MYH7: variants seen among roughly 807,000 people sequenced by gnomAD.
The protein encoded by MYH7 is myosin-7.
A neutral mutation model predicts 225.4 loss-of-function variants in MYH7; 129 were observed. The ratio of observed to expected loss-of-function variants is 0.57; its 90% CI spans 0.50 to 0.66. The LOEUF is 0.66. MYH7 is among the 30% of genes least tolerant of loss of function. The pLI is 0.00. For synonymous variants in MYH7, 971 were observed against 1,007.6 expected, an observed-to-expected ratio of 0.96 and a Z score of 0.69; for missense variants, 1,649 against 2,517.0, an observed-to-expected ratio of 0.66 and a Z score of 7.38.
At chr14:23,427,213 A>C (rs749573686) in intron 17 of MYH7, 27 bp downstream of exon 17, 2 of 1,612,660 alleles carry the variant, frequency 1.2e-6, no homozygotes, top group Non-Finnish European at 1.7e-6. Flanking sequence ...TGGGGAGCCA[A>C]GTTGGCTGGG....
rs746278750 is a variant in MYH7 at position 23,415,363 on chromosome 14, G to C, written c.5283+18C>G. ...AGAGACACTGGTCTGGATCGGGTCG[G>C]TGGAGTGGGGGACTTACATCCGTGA... On this transcript the variant is annotated intron_variant, in intron 36 of 39. Transcript: ENST00000355349. This position sits in a 1 kb window ranked among gnomAD's most constrained non-coding sequence, Gnocchi z 6.3. 3.7e-6 allele frequency: 6 copies of C among 1,614,112 alleles called. No homozygotes were observed. In the African/African-American group the frequency reaches 5.3e-5, roughly 14 times the overall value.
chr14:23,427,795 A>T lies in MYH7; in HGVS notation c.1678T>A (p.Ser560Thr), dbSNP rs1892754005. ...AKLFDNHLGK[S>T]ANFQKPRNIK... ...TTGCGTGGCTTCTGGAAGTTGGCGG[A>T]TTTGCCCAGGTGGTTGTCAAACAGC... is the stretch of plus-strand genomic sequence containing the variant. Residue 560 changes from serine (S) to threonine (T), a missense_variant, in exon 16 of 40, where the codon TCC (serine) becomes ACC (threonine). Transcript: ENST00000355349. 1.2e-6 allele frequency: 2 copies of T among 1,613,962 alleles called. No individual in the cohort carries two copies. The highest frequency in any genetic ancestry group is 1.3e-5 in the African/African-American group (1 of 74,872).
intron 2 of MYH7, 107 bp downstream of exon 2, chr14:23,434,087 A>G (rs954708420): frequency 1.3e-6 from 1 of 746,818 alleles, no homozygotes. Flanking sequence ...GATAGCCAAG[A>G]TATTCTCTCC....
chr14:23,434,816 C>A (rs941568826), intron 1 of MYH7, among the ~76,000 whole-genome samples: 5 of 152,248 alleles, frequency 3.3e-5, no homozygotes, highest in East Asian at 3.9e-4. Flanking sequence ...CTGTGGGCTT[C>A]CTCTCACAGA....
At chr14:23,412,928 CAGGG>C (rs1892032122) in intron 39 of MYH7, 57 bp from the exon 40 acceptor site, 1 of 1,585,592 alleles carries the variant, frequency 6.3e-7, no homozygotes, top group South Asian at 1.1e-5. Flanking sequence ...TGGGCAGGGA[CAGGG>C]CATGGGAACA....
chr14:23,428,569 C>T lies in MYH7; in HGVS notation c.1509G>A (p.Lys503=), dbSNP rs1892791859. The change falls in exon 15 of 40, where the codon AAG becomes AAA. Residue 503 remains lysine (K), a synonymous_variant. Coordinates refer to ENST00000355349, the MANE Select transcript of MYH7 (RefSeq NM_000257.4). ...MFVLEQEEYK[K]EGIEWTFIDF... Reference sequence around the variant, plus strand: ...CAATGAATGTCCACTCGATGCCCTCCTTCTTGTACTCCTCCTGCTCCAGCA... The same window carrying T: ...CAATGAATGTCCACTCGATGCCCTCTTTCTTGTACTCCTCCTGCTCCAGCA... 6 of 1,614,074 alleles carry T rather than the reference C, an allele frequency of 3.7e-6. No homozygotes were observed. Among genetic ancestry groups the T allele is most frequent in the Non-Finnish European group, 5.1e-6 (6 of 1,180,048 alleles).
rs2231125 is a variant in MYH7 at position 23,429,824 on chromosome 14, C to T, written c.1089G>A (p.Lys363=). The change falls in exon 12 of 40, where the codon AAG becomes AAA. Residue 363 remains lysine, a synonymous_variant. Coordinates refer to ENST00000355349, the MANE Select transcript of MYH7 (RefSeq NM_000257.4). Reference sequence around the variant, plus strand: ...GCTCCTCCCGCTGCTTCAGCTTGAACTTCATGTTTCCAAAGTGCATGATGG... The same window carrying T: ...GCTCCTCCCGCTGCTTCAGCTTGAATTTCATGTTTCCAAAGTGCATGATGG... ...TGAIMHFGNM[K]FKLKQREEQA... 4 of 1,613,878 alleles carry T rather than the reference C, an allele frequency of 2.5e-6. No homozygotes were observed. Among genetic ancestry groups the T allele is most frequent in the South Asian group, 1.1e-5 (1 of 91,066 alleles).
chr14:23,434,592 C>A (rs1893074484), intron 1 of MYH7, among the ~76,000 whole-genome samples: 1 of 152,216 alleles, frequency 6.6e-6, no homozygotes, highest in Non-Finnish European at 1.5e-5. Flanking sequence ...ACTTTCCAGT[C>A]TAAAAGCACT....
intron 18 of MYH7, 103 bp from the exon 19 acceptor site, chr14:23,426,184 C>A: frequency 7.7e-7 from 1 of 1,296,872 alleles, no homozygotes; most frequent in South Asian, 1.3e-5. Context: ...CTTAGCAAGT[C>A]AGTTAGTAAT....
chr14:23,426,819 G>T lies in MYH7; in HGVS notation c.2002C>A (p.His668Asn). ...TTAGGGATGATACAACGTACAAAGT[G>T]GGGATGGGTGGAGCGCAAGTTGGTC... is the stretch of plus-strand genomic sequence containing the variant. The part of the protein sequence containing the change: ...LMTNLRSTHP[H>N]FVRCIIPNET... Residue 668 changes from histidine to asparagine, a missense_variant, in exon 18 of 40, where the codon CAC becomes AAC. By Grantham distance (68) the His-to-Asn change is moderately conservative (BLOSUM62 1). This residue lies in a region of MYH7 where 112 missense variants were observed against 161.9 expected (regional missense o/e 0.69). Coordinates refer to ENST00000355349, the MANE Select transcript of MYH7 (RefSeq NM_000257.4). 1 of 1,614,164 alleles carries T rather than the reference G, an allele frequency of 6.2e-7. No homozygotes were observed. The highest frequency in any genetic ancestry group is 8.5e-7 in the Non-Finnish European group (1 of 1,180,030).
At position 23,423,700 on chromosome 14, in the gene MYH7, C is replaced by T. The variant is rs1189665932; in HGVS notation, c.2946G>A (p.Met982Ile). 6.2e-7 allele frequency: 1 copy of T among 1,614,100 alleles called. No individual in the cohort carries two copies. Among genetic ancestry groups the T allele is most frequent in the Non-Finnish European group, 8.5e-7 (1 of 1,180,022 alleles). The change falls in exon 24 of 40, where the codon ATG becomes ATA. Residue 982 changes from methionine (M) to isoleucine (I), a missense_variant. By Grantham distance (10) the Met-to-Ile change is conservative. Coordinates refer to ENST00000355349, the MANE Select transcript of MYH7 (RefSeq NM_000257.4). ...ENKVKNLTEE[M>I]AGLDEIIAKL... ...TGGCAATGATCTCATCCAGCCCAGC[C>T]ATCTCCTCTGTCAGGTTTTTCACCT...
chr14:23,431,956 C>T lies in MYH7; in HGVS notation c.531-87G>A, dbSNP rs907996865. Reference sequence around the variant, plus strand: ...TCAGGAGAGAATGCCTGGGCCTACCCGAGAGTAGGAGCCCTGGGCAAGAAG... The same window carrying T: ...TCAGGAGAGAATGCCTGGGCCTACCTGAGAGTAGGAGCCCTGGGCAAGAAG... On this transcript the variant is annotated intron_variant, in intron 6 of 39. Coordinates refer to ENST00000355349, the MANE Select transcript of MYH7 (RefSeq NM_000257.4). 1.2e-4 allele frequency: 170 copies of T among 1,380,802 alleles called. No homozygotes were observed. Among genetic ancestry groups the T allele is most frequent in the Non-Finnish European group, 1.1e-4 (104 of 974,166 alleles). The allele number at this position is 1,380,802 out of a possible 1,614,324, so 85.5% of individuals were successfully genotyped here.
rs369490861 is a variant in MYH7, at chr14:23,431,860, G to T, written c.540C>A (p.Ser180=). The change falls in exon 7 of 40, where the codon TCC becomes TCA. Residue 180 remains serine (S), a synonymous_variant. Coordinates refer to ENST00000355349, the MANE Select transcript of MYH7 (RefSeq NM_000257.4). ...ENQSILITGE[S]GAGKTVNTKR... ...TGGTGTTGACTGTCTTCCCTGCTCC[G>T]GATTCTCCGCTGTGAAGACAGGGGC... is the stretch of plus-strand genomic sequence containing the variant. 5.8e-5 allele frequency: 93 copies of T among 1,614,106 alleles called. No homozygotes were observed. The highest frequency in any genetic ancestry group is 7.1e-5 in the Non-Finnish European group (84 of 1,180,038).
chr14:23,432,347 A>G, intron 6 of MYH7, 132 bp downstream of exon 6: 1 of 1,109,082 alleles, frequency 9.0e-7, no homozygotes, highest in Admixed American at 1.7e-5. Flanking sequence ...TAATGGTCAG[A>G]GAAGAAGGAG....
chr14:23,418,398 G>C lies in MYH7; in HGVS notation c.3981C>G (p.Asn1327Lys). ...CCGACTGCAGTGCGTGGGCCAGGGC[G>C]TTCTTCGCCTGGGGAGGGGTGGGCA... is the stretch of plus-strand genomic sequence containing the variant. ...RQLEEEVKAK[N>K]ALAHALQSAR... Residue 1327 changes from asparagine to lysine, a missense_variant, in exon 30 of 40, where the codon AAC (asparagine) becomes AAG (lysine). Asn to Lys is a moderately conservative substitution (Grantham distance 94). This residue lies in a region of MYH7 where 687 missense variants were observed against 913.8 expected (regional missense o/e 0.75). Coordinates refer to ENST00000355349, the MANE Select transcript of MYH7 (RefSeq NM_000257.4). 1 of 1,606,310 alleles carries C rather than the reference G, an allele frequency of 6.2e-7. No individual in the cohort carries two copies. The highest frequency in any genetic ancestry group is 8.5e-7 in the Non-Finnish European group (1 of 1,174,670).
At chr14:23,431,544 C>T in intron 8 of MYH7, 41 bp downstream of exon 8, 6 of 1,613,940 alleles carry the variant, frequency 3.7e-6, no homozygotes, top group Non-Finnish European at 4.2e-6. Context: ...ACCATTCCTC[C>T]ACCAGTCCAA....
Position 23,418,282 on chromosome 14 carries a change from G to A in MYH7, c.4097C>T (p.Ser1366Leu), listed in dbSNP as rs767000995. ...CTTGGTCCTCCACTGGGCCACCTCC[G>A]AGTTGGCCTTGGAAAGGACGCGCTG... Reference protein sequence around the residue: ...ELQRVLSKANSEVAQWRTKYE... With the variant: ...ELQRVLSKANLEVAQWRTKYE... The change falls in exon 30 of 40, where the codon TCG becomes TTG. Residue 1366 changes from serine to leucine, a missense_variant. Coordinates refer to ENST00000355349, the MANE Select transcript of MYH7 (RefSeq NM_000257.4). The A allele has an allele frequency of 1.1e-5, 17 of 1,613,544 alleles. No homozygotes were observed. Among genetic ancestry groups the A allele is most frequent in the South Asian group, 2.2e-5 (2 of 91,058 alleles).
intron 1 of MYH7, among the ~76,000 whole-genome samples, chr14:23,435,364 C>CCACACA (rs3138591): frequency 0.023 from 3,336 of 147,618 alleles, 57 homozygotes; most frequent in African/African-American, 0.042. Flanking sequence ...GCAGGCTTGT[C>CCACACA]CACACACACA....
rs1231476855 is a variant in MYH7, at chr14:23,425,422, C to T, written c.2287-4G>A. ...GCAGCCCGGCCTTGAAGAACACCTG[C>T]AGGCAAGGTGTGTGTTGGCCATGAC... On this transcript the variant is annotated splice_region_variant and splice_polypyrimidine_tract_variant and intron_variant, in intron 20 of 39. Coordinates refer to ENST00000355349, the MANE Select transcript of MYH7 (RefSeq NM_000257.4). This position sits in a 1 kb window ranked among gnomAD's most constrained non-coding sequence, Gnocchi z 4.6. 3 of 1,613,984 alleles carry T rather than the reference C, an allele frequency of 1.9e-6. No homozygotes were observed. The African/African-American group carries it at 4.0e-5, about 22-fold the overall frequency.
Sources: gnomAD v4.1 joint callset for allele counts (sites outside exome capture counted in the v4.1 genomes callset) on GRCh38, gnomAD v4.1.1 for gene constraint, gnomAD v4.1.1 regional missense constraint, Gnocchi (gnomAD v3.1) non-coding constraint, MANE v1.5 for transcripts, NCBI Gene and HGNC (gene_info 2026-07-23, HGNC 2026-07-21) for gene names.